PYM1: variants seen among roughly 807,000 people sequenced by gnomAD.
The protein encoded by PYM1 is partner of Y14 and mago.
In PYM1, 7 loss-of-function variants were observed where a neutral mutation model predicts 20.7. That is an observed-to-expected ratio of 0.34 (90% CI 0.19 to 0.64). The LOEUF (loss-of-function observed/expected upper bound fraction) is 0.64. Ranked by LOEUF, PYM1 falls within the 30% of genes least tolerant of loss-of-function variation. The pLI, the probability that PYM1 is intolerant of heterozygous loss-of-function variation, is 0.74. For missense variants in PYM1, 194 were observed against 250.0 expected (o/e 0.78, Z 1.51); for synonymous variants, 100 against 99.2 (o/e 1.01, Z -0.05).
intron 1 of PYM1, among the ~76,000 whole-genome samples, chr12:55,909,811 A>G (rs759213058): frequency 2.0e-5 from 3 of 152,340 alleles, no homozygotes; most frequent in African/African-American, 4.8e-5. Flanking sequence ...AGTAATCTCA[A>G]TGTCCACAAT....
At chr12:55,919,374 G>A (rs192659002) in intron 1 of PYM1, among the ~76,000 whole-genome samples, 2 of 151,890 alleles carry the variant, frequency 1.3e-5, no homozygotes, top group Non-Finnish European at 2.9e-5. Flanking sequence ...GGCTGGTCTC[G>A]AATTCCTGGG....
At chr12:55,903,273 CTTCCAT>C in intron 2 of PYM1, 108 bp downstream of exon 2, 1 of 869,574 alleles carries the variant, frequency 1.1e-6, no homozygotes, top group East Asian at 2.5e-5. Flanking sequence ...GTTGCCCCTC[CTTCCAT>C]TTCCTTGGGG....
intron 1 of PYM1, among the ~76,000 whole-genome samples, chr12:55,913,080 C>T (rs1285465091): frequency 6.6e-6 from 1 of 152,088 alleles, no homozygotes. Flanking sequence ...ACTATATTTG[C>T]TTATCTTAAG....
chr12:55,906,194 G>A (rs764129075), intron 1 of PYM1, among the ~76,000 whole-genome samples: 6 of 149,556 alleles, frequency 4.0e-5, no homozygotes, highest in Non-Finnish European at 8.9e-5. Flanking sequence ...TGAGAAGAAA[G>A]TTTGTTCAGC....
intron 1 of PYM1, among the ~76,000 whole-genome samples, chr12:55,906,681 T>C (rs2136258994): frequency 6.6e-6 from 1 of 152,190 alleles, no homozygotes; most frequent in South Asian, 2.1e-4. Flanking sequence ...GGAGTTTCGC[T>C]CTTGTTGCCC....
intron 1 of PYM1, among the ~76,000 whole-genome samples, chr12:55,910,586 G>A (rs1423785383): frequency 2.6e-5 from 4 of 152,138 alleles, no homozygotes; most frequent in East Asian, 1.9e-4. Context: ...GGGACTACAG[G>A]AGCCCACTAC....
Position 55,920,080 on chromosome 12 carries a change from C to A in PYM1, c.37+7645G>T, listed in dbSNP as rs553250921. Among the ~76,000 whole-genome samples, 5 of 152,028 alleles carry A rather than the reference C, an allele frequency of 3.3e-5. No individual in the cohort carries two copies. In the South Asian group the frequency reaches 1.0e-3, roughly 32 times the overall value. ...GCCATGGTGGCGCATGCCTGTAGTA[C>A]TAGTACCAGCTACTCAGGAGGAGGA... On this transcript the variant is annotated intron_variant, in intron 1 of 2. Transcript: ENST00000408946.
chr12:55,903,404 G>A lies in PYM1; in HGVS notation c.114C>T (p.Pro38=), dbSNP rs1273694112. ...CCACGTACACTGGGACCTCCTCCTGGGGCACATATCCTTCTTTCACCCTCC... is the reference window on the plus strand; with the variant it reads ...CCACGTACACTGGGACCTCCTCCTGAGGCACATATCCTTCTTTCACCCTCC... ...KQRRVKEGYV[P]QEEVPVYENK... The change falls in exon 2 of 3, where the codon CCC becomes CCT. Residue 38 remains proline, a synonymous_variant. Coordinates refer to ENST00000408946, the MANE Select transcript of PYM1 (RefSeq NM_032345.3). The A allele has an allele frequency of 1.9e-6, 3 of 1,613,984 alleles. No homozygotes were observed. Among genetic ancestry groups the A allele is most frequent in the Non-Finnish European group, 2.5e-6 (3 of 1,179,974 alleles).
At chr12:55,904,017 G>A (rs1360059329) in intron 1 of PYM1, among the ~76,000 whole-genome samples, 1 of 152,088 alleles carries the variant, frequency 6.6e-6, no homozygotes, top group Non-Finnish European at 1.5e-5. Context: ...CACCAAGGCT[G>A]GAGTGCAGTG....
intron 1 of PYM1, 70 bp downstream of exon 1, chr12:55,927,655 G>A: frequency 6.6e-7 from 1 of 1,524,766 alleles, no homozygotes; most frequent in Non-Finnish European, 8.8e-7. Flanking sequence ...ATTGCTGTCG[G>A]CCAACCCACT....
chr12:55,922,723 CA>C (rs1421291839), intron 1 of PYM1, among the ~76,000 whole-genome samples: 1 of 152,176 alleles, frequency 6.6e-6, no homozygotes, highest in Non-Finnish European at 1.5e-5. Flanking sequence ...CCCCAAAACA[CA>C]TAACCCAAAT....
At chr12:55,908,657 G>A (rs1237899927) in intron 1 of PYM1, among the ~76,000 whole-genome samples, 1 of 152,090 alleles carries the variant, frequency 6.6e-6, no homozygotes, top group Admixed American at 6.6e-5. Context: ...TTCGAGACCA[G>A]CCTGGCCAAA....
intron 1 of PYM1, among the ~76,000 whole-genome samples, chr12:55,917,760 G>A (rs570283295): frequency 6.6e-6 from 1 of 152,074 alleles, no homozygotes; most frequent in South Asian, 2.1e-4. Context: ...TCAGGAGTTG[G>A]AGACCAGCCT....
At chr12:55,924,716 G>A (rs937504091) in intron 1 of PYM1, among the ~76,000 whole-genome samples, 21 of 152,012 alleles carry the variant, frequency 1.4e-4, no homozygotes, top group South Asian at 6.2e-4. Flanking sequence ...TCGCTCTGTC[G>A]CCCAGGCTGG....
intron 1 of PYM1, among the ~76,000 whole-genome samples, chr12:55,920,150 T>C (rs1365154924): frequency 6.6e-6 from 1 of 151,460 alleles, no homozygotes. Flanking sequence ...TACAGCAAGC[T>C]ATGACTGTGC....
intron 2 of PYM1, among the ~76,000 whole-genome samples, chr12:55,902,971 C>T (rs893187335): frequency 3.3e-5 from 5 of 151,816 alleles, no homozygotes; most frequent in Non-Finnish European, 7.4e-5. Context: ...TTAGTACAGA[C>T]GGGGTTTCAC....
At chr12:55,905,783 ATTAT>A (rs1359693930) in intron 1 of PYM1, among the ~76,000 whole-genome samples, 1 of 132,252 alleles carries the variant, frequency 7.6e-6, no homozygotes, top group Non-Finnish European at 1.6e-5. Context: ...TATATATATT[ATTAT>A]TATTATATAA....
intron 1 of PYM1, chr12:55,913,722 T>C (rs1435916707): frequency 2.6e-5 from 4 of 152,346 alleles, no homozygotes; most frequent in East Asian, 1.9e-4. Context: ...AGAGAGGAAA[T>C]AATCAAAACA....
At chr12:55,923,642 T>C (rs1322479103) in intron 1 of PYM1, among the ~76,000 whole-genome samples, 2 of 152,004 alleles carry the variant, frequency 1.3e-5, no homozygotes, top group East Asian at 1.9e-4. Flanking sequence ...GCTTCATTAA[T>C]TGCAAGCAAA....
Sources: gnomAD v4.1 joint callset for allele counts (sites outside exome capture counted in the v4.1 genomes callset) on GRCh38, gnomAD v4.1.1 for gene constraint, MANE v1.5 for transcripts, NCBI Gene and HGNC (gene_info 2026-07-23, HGNC 2026-07-21) for gene names.